SUCO: variants seen among roughly 807,000 people sequenced by gnomAD.
SUCO encodes the protein SUN domain-containing ossification factor.
Under a neutral mutation model 148.1 loss-of-function variants are expected in SUCO, and 57 were observed. The observed-to-expected ratio is 0.38, with a 90% CI of 0.31 to 0.48. SUCO has a LOEUF of 0.48. Among genes scored for constraint, SUCO ranks in the 20% least tolerant of loss-of-function variants. The pLI, the probability that SUCO is intolerant of heterozygous loss-of-function variation, is 0.96. For missense variants in SUCO, 1,331 were observed against 1,468.2 expected (o/e 0.91, Z 1.53); for synonymous variants, 470 against 502.7 (o/e 0.93, Z 0.87).
chr1:172,569,263 A>C, intron 7 of SUCO, 121 bp downstream of exon 7: 1 of 1,094,846 alleles, frequency 9.1e-7, no homozygotes, highest in Non-Finnish European at 1.2e-6. Flanking sequence ...TTTAAAGGTG[A>C]AACTTAACCA....
At chr1:172,545,629 T>G (rs900502275) in intron 1 of SUCO, among the ~76,000 whole-genome samples, 1 of 152,014 alleles carries the variant, frequency 6.6e-6, no homozygotes, top group Non-Finnish European at 1.5e-5. Context: ...AGTGGTACAA[T>G]GAGGACAGAA....
In SUCO at chr1:172,533,232, G is replaced by A. The variant is rs1248108464; in HGVS notation, c.-204G>A. On this transcript the variant is annotated 5_prime_UTR_variant, in exon 1 of 24. Transcript: ENST00000263688. ...GCGGCGGTCCCCGGAGTCCTGTGAA[G>A]CGCCCCTGTCCGCGCCTCTGTGGGG... 12 of 1,544,612 alleles carry A rather than the reference G, an allele frequency of 7.8e-6. No homozygotes were observed. Among genetic ancestry groups the A allele is most frequent in the Non-Finnish European group, 1.0e-5 (12 of 1,145,388 alleles).
intron 4 of SUCO, chr1:172,556,761 A>C: frequency 1.0e-6 from 1 of 980,058 alleles, no homozygotes; most frequent in Non-Finnish European, 1.2e-6. Flanking sequence ...TAAACTTTTA[A>C]ATTTAAATGA....
intron 1 of SUCO, among the ~76,000 whole-genome samples, chr1:172,550,641 T>G (rs1478387444): frequency 6.6e-6 from 1 of 152,012 alleles, no homozygotes; most frequent in Non-Finnish European, 1.5e-5. Flanking sequence ...ATGGACATTC[T>G]TGTCTTATTT....
In SUCO at chr1:172,533,206, G is replaced by C. The variant is rs1415934321; in HGVS notation, c.-230G>C. ...GCGTGGACGAGCCGGTGGCTGCAGCGGCGGCGGTCCCCGGAGTCCTGTGAA... is the reference window on the plus strand; with the variant it reads ...GCGTGGACGAGCCGGTGGCTGCAGCCGCGGCGGTCCCCGGAGTCCTGTGAA... On this transcript the variant is annotated 5_prime_UTR_variant, in exon 1 of 24. Transcript: ENST00000263688. 8 of 1,517,704 alleles carry C rather than the reference G, an allele frequency of 5.3e-6. No individual in the cohort carries two copies. The highest frequency in any genetic ancestry group is 4.7e-4 in the Middle Eastern group (2 of 4,272). The allele number at this position is 1,517,704 out of a possible 1,614,324, so 94.0% of individuals were successfully genotyped here.
chr1:172,598,129 T>C (rs1657255565), intron 19 of SUCO, among the ~76,000 whole-genome samples: 1 of 152,232 alleles, frequency 6.6e-6, no homozygotes, highest in Non-Finnish European at 1.5e-5. Flanking sequence ...TGGATCAAAG[T>C]TCTTTTTGGA....
upstream of SUCO, chr1:172,532,927 C>T (rs1651696112): frequency 8.1e-6 from 11 of 1,366,314 alleles, no homozygotes; most frequent in South Asian, 6.0e-5. Context: ...GCTTTGTGGT[C>T]TCCTGCCTCC....
intron 20 of SUCO, 113 bp downstream of exon 20, chr1:172,600,281 T>C (rs890025435): frequency 6.7e-6 from 5 of 747,072 alleles, no homozygotes; most frequent in Non-Finnish European, 1.1e-5. Flanking sequence ...AAAATTGTCA[T>C]TTGTAGTGAA....
chr1:172,608,100 G>GAAACTTTGGGCTA, intron 22 of SUCO: 1 of 984,742 alleles, frequency 1.0e-6, no homozygotes, highest in Non-Finnish European at 1.2e-6. Flanking sequence ...TGAAACCTTA[G>GAAACTTTGGGCTA]AAACTTTGGG....
chr1:172,569,872 T>C (rs1304723231), intron 7 of SUCO, 175 bp from the exon 8 acceptor site: 1 of 288,668 alleles, frequency 3.5e-6, no homozygotes. Flanking sequence ...TTTTAAGCTA[T>C]TGAGGTGGAG....
chr1:172,540,486 T>C (rs919828577), intron 1 of SUCO, among the ~76,000 whole-genome samples: 1 of 152,246 alleles, frequency 6.6e-6, no homozygotes, highest in Admixed American at 6.5e-5. Context: ...TGTATTACTG[T>C]ATTAGGTGAA....
chr1:172,589,678 T>G lies in SUCO; in HGVS notation c.2577T>G (p.Ser859=), dbSNP rs540865656. ...AKQTLISVVD[S]SSLPEVKEEE... is the part of the protein sequence containing the mutation. ...AAACTTTGATTTCTGTTGTGGATTC[T>G]TCTTCATTACCTGAAGTAAAAGAAG... Residue 859 remains serine, a synonymous_variant, in exon 18 of 24, where the codon TCT becomes TCG. Transcript: ENST00000263688. 1.2e-6 allele frequency: 2 copies of G among 1,613,910 alleles called. No homozygotes were observed. Among genetic ancestry groups the G allele is most frequent in the South Asian group, 2.2e-5 (2 of 91,060 alleles).
At chr1:172,565,107 G>T (rs1654463284) in intron 6 of SUCO, among the ~76,000 whole-genome samples, 1 of 152,146 alleles carries the variant, frequency 6.6e-6, no homozygotes, top group Admixed American at 6.5e-5. Context: ...CTATTCTCAT[G>T]CCATTTTAAT....
intron 14 of SUCO, among the ~76,000 whole-genome samples, chr1:172,578,789 T>A (rs1321808234): frequency 6.6e-6 from 1 of 152,034 alleles, no homozygotes; most frequent in Non-Finnish European, 1.5e-5. Flanking sequence ...TGAGAAATCC[T>A]GTGACTCTAA....
At chr1:172,556,825 T>C in intron 4 of SUCO, 1 of 810,208 alleles carries the variant, frequency 1.2e-6, no homozygotes. Flanking sequence ...AATGCTATAC[T>C]CCCATTATAT....
intron 6 of SUCO, among the ~76,000 whole-genome samples, chr1:172,558,680 A>G (rs1653922685): frequency 6.6e-6 from 1 of 152,228 alleles, no homozygotes; most frequent in African/African-American, 2.4e-5. Context: ...AGGATTTCAT[A>G]GTCTAACATC....
intron 19 of SUCO, among the ~76,000 whole-genome samples, chr1:172,591,949 CT>C (rs1656707222): frequency 6.6e-6 from 1 of 152,134 alleles, no homozygotes; most frequent in African/African-American, 2.4e-5. Context: ...CTGTTGTTTC[CT>C]GACTTTTTAA....
At chr1:172,567,840 A>G (rs572301193) in intron 6 of SUCO, among the ~76,000 whole-genome samples, 6 of 152,220 alleles carry the variant, frequency 3.9e-5, no homozygotes, top group Non-Finnish European at 8.8e-5. Context: ...GCCACAGACT[A>G]TCACACTTTA....
At chr1:172,574,906 A>G (rs1655320899) in intron 10 of SUCO, 1 of 985,066 alleles carries the variant, frequency 1.0e-6, no homozygotes, top group Non-Finnish European at 1.2e-6. Context: ...TGCTCAGTTC[A>G]CTTCTTTTTC....
Sources: allele counts gnomAD v4.1 joint callset (sites outside exome capture counted in the v4.1 genomes callset), GRCh38; gene constraint gnomAD v4.1.1; transcripts MANE v1.5; gene names NCBI Gene and HGNC (gene_info 2026-07-23, HGNC 2026-07-21).